The following NOTCH3 variants were observed in gnomAD, a reference collection of about 807,000 sequenced individuals.
The protein encoded by NOTCH3 is notch receptor 3, also known as neurogenic locus notch homolog protein 3.
A neutral mutation model predicts 213.3 loss-of-function variants in NOTCH3; 86 were observed. The ratio of observed to expected loss-of-function variants is 0.40; its 90% confidence interval spans 0.34 to 0.48. The LOEUF is 0.48. Among genes scored for constraint, NOTCH3 ranks in the 20% least tolerant of loss-of-function variants. The pLI, the probability that NOTCH3 is intolerant of heterozygous loss-of-function variation, is 0.57. For missense variants in NOTCH3, 2,783 were observed against 3,272.6 expected, an observed-to-expected ratio of 0.85 and a Z score of 3.65; for synonymous variants, 1,354 against 1,355.9, an observed-to-expected ratio of 1.00 and a Z score of 0.03.
At position 15,160,683 on chromosome 19, in the gene NOTCH3, G is replaced by A; in HGVS notation, c.6945C>T (p.Pro2315=). 3.1e-6 allele frequency: 5 copies of A among 1,614,020 alleles called. No individual in the cohort carries two copies. The highest frequency in any genetic ancestry group is 4.2e-6 in the Non-Finnish European group (5 of 1,179,856). The part of the protein sequence containing the change: ...TQLGPQPEVT[P]KRQVLA ...CGTCTCAGGCCAACACTTGCCTCTTGGGGGTAACTTCCGGCTGGGGCCCCA... is the reference window on the plus strand; with the variant it reads ...CGTCTCAGGCCAACACTTGCCTCTTAGGGGTAACTTCCGGCTGGGGCCCCA... Residue 2315 remains proline, a synonymous_variant, in exon 33 of 33, where the codon CCC becomes CCT. Coordinates refer to ENST00000263388, the MANE Select transcript of NOTCH3 (RefSeq NM_000435.3).
At chr19:15,197,441 G>GGGGGGGGCCCC in intron 2 of NOTCH3, 59 bp downstream of exon 2, 3 of 768,362 alleles carry the variant, frequency 3.9e-6, no homozygotes, top group Non-Finnish European at 6.9e-6. Context: ...AAGACAAATC[G>GGGGGGGGCCCC]CCCCTCCCCC....
At chr19:15,194,205 C>T (rs1435526165) in intron 2 of NOTCH3, among the ~76,000 whole-genome samples, 1 of 151,756 alleles carries the variant, frequency 6.6e-6, no homozygotes, top group African/African-American at 2.4e-5. Context: ...ACTAAGATTG[C>T]ACCACTGCAC....
chr19:15,177,401 A>T (rs2145414013), intron 24 of NOTCH3, 124 bp downstream of exon 24: 2 of 834,746 alleles, frequency 2.4e-6, no homozygotes, highest in South Asian at 2.9e-5. Flanking sequence ...CGATGGGCAG[A>T]TAGAGTGCAC....
At chr19:15,173,185 GC>G (rs1477964891) in intron 25 of NOTCH3, among the ~76,000 whole-genome samples, 1 of 145,332 alleles carries the variant, frequency 6.9e-6, no homozygotes, top group Non-Finnish European at 1.5e-5. Context: ...ACTTTGGGAG[GC>G]CGAGGCAGGT....
intron 25 of NOTCH3, 52 bp downstream of exon 25, chr19:15,174,016 A>G (rs1428299427): frequency 7.1e-7 from 1 of 1,413,180 alleles, no homozygotes; most frequent in Non-Finnish European, 9.6e-7. Context: ...CTGGATCAAC[A>G]GCATCTCTCC....
At chr19:15,169,323 C>T (rs983096629) in intron 28 of NOTCH3, among the ~76,000 whole-genome samples, 2 of 152,072 alleles carry the variant, frequency 1.3e-5, no homozygotes, top group Non-Finnish European at 2.9e-5. Context: ...AGGAACCAGC[C>T]CTGACAGCAC....
At chr19:15,190,627 C>T (rs1010776662) in intron 6 of NOTCH3, among the ~76,000 whole-genome samples, 1 of 152,208 alleles carries the variant, frequency 6.6e-6, no homozygotes, top group African/African-American at 2.4e-5. Context: ...ACACTGTCTC[C>T]CAGGCTGGAA....
chr19:15,169,220 C>A (rs2046710567), intron 28 of NOTCH3, among the ~76,000 whole-genome samples: 1 of 80,704 alleles, frequency 1.2e-5, no homozygotes, highest in Non-Finnish European at 3.1e-5. Context: ...CTCTCTCTCT[C>A]TCTCTCTCTC....
chr19:15,160,904 G>A lies in NOTCH3; in HGVS notation c.6724C>T (p.His2242Tyr), dbSNP rs2145380278. ...KARFLRVPSEHPYLTPSPESP... is the reference protein window; with the variant it reads ...KARFLRVPSEYPYLTPSPESP... The stretch of plus-strand genomic sequence containing the variant: ...TCGGGGGATGGGGTCAGGTAAGGGT[G>A]CTCACTGGGAACCCGCAGGAAGCGG... Residue 2242 changes from histidine (H) to tyrosine (Y), a missense_variant, in exon 33 of 33, where the codon CAC becomes TAC. His to Tyr is a moderately conservative substitution (Grantham distance 83). This residue lies in a region of NOTCH3 where 441 missense variants were observed against 432.1 expected (regional missense o/e 1.02). Transcript: ENST00000263388. The A allele has an allele frequency of 2.5e-6, 4 of 1,610,282 alleles. No homozygotes were observed. Among genetic ancestry groups the A allele is most frequent in the Non-Finnish European group, 3.4e-6 (4 of 1,177,546 alleles).
intron 31 of NOTCH3, among the ~76,000 whole-genome samples, chr19:15,162,936 T>C (rs937514758): frequency 2.2e-4 from 33 of 151,952 alleles, no homozygotes; most frequent in Non-Finnish European, 3.8e-4. Context: ...TAGTGTCTTG[T>C]TCTGTCACCC....
intron 1 of NOTCH3, among the ~76,000 whole-genome samples, chr19:15,199,586 G>A (rs1168516687): frequency 6.6e-6 from 1 of 152,178 alleles, no homozygotes; most frequent in Non-Finnish European, 1.5e-5. Flanking sequence ...CGTGCAGCTG[G>A]GTGTGTCTTT....
intron 32 of NOTCH3, 48 bp downstream of exon 32, chr19:15,162,417 G>T: frequency 7.7e-7 from 1 of 1,295,146 alleles, no homozygotes; most frequent in Non-Finnish European, 1.1e-6. Context: ...GGATTGCAAT[G>T]GCACTGTGCC....
intron 2 of NOTCH3, 59 bp downstream of exon 2, chr19:15,197,441 G>GGGGGGGCCCCCCCCCCCC: frequency 1.3e-6 from 1 of 768,364 alleles, no homozygotes; most frequent in Non-Finnish European, 2.3e-6. Flanking sequence ...AAGACAAATC[G>GGGGGGGCCCCCCCCCCCC]CCCCTCCCCC....
chr19:15,185,191 G>A lies in NOTCH3; in HGVS notation c.2296+66C>T. 1 of 1,571,846 alleles carries A rather than the reference G, an allele frequency of 6.4e-7. No homozygotes were observed. Among genetic ancestry groups the A allele is most frequent in the Non-Finnish European group, 8.7e-7 (1 of 1,143,390 alleles). ...GCTAACATAGCGGGAGGAGAGAGTA[G>A]AGGAGAAGAGAGATGAGAAGGCCCA... On this transcript the variant is annotated intron_variant, in intron 14 of 32. Coordinates refer to ENST00000263388, the MANE Select transcript of NOTCH3 (RefSeq NM_000435.3). The surrounding 1 kb of genome is among the most constrained non-coding windows in gnomAD (Gnocchi z 4.2).
rs1599387102 is a variant in NOTCH3, at chr19:15,185,495, T to A, written c.2136A>T (p.Ala712=). Reference sequence around the variant, plus strand: ...CTGAGAAGGGCCCTCACCCGCCAGGTGCATCATAGCAGATGCCGTGACTGC... The same window carrying A: ...CTGAGAAGGGCCCTCACCCGCCAGGAGCATCATAGCAGATGCCGTGACTGC... ...EPCSHGICYD[A]PGGFRCVCEP... The change falls in exon 13 of 33, where the codon GCA becomes GCT. Residue 712 remains alanine (A), a synonymous_variant. Coordinates refer to ENST00000263388, the MANE Select transcript of NOTCH3 (RefSeq NM_000435.3). The surrounding 1 kb of genome is among the most constrained non-coding windows in gnomAD (Gnocchi z 4.2). 6.2e-7 allele frequency: 1 copy of A among 1,611,352 alleles called. No individual in the cohort carries two copies. The highest frequency in any genetic ancestry group is 2.2e-5 in the East Asian group (1 of 44,674).
chr19:15,182,608 CATTTATTTATTT>C (rs537564207), intron 16 of NOTCH3, among the ~76,000 whole-genome samples: 1 of 151,140 alleles, frequency 6.6e-6, no homozygotes, highest in Non-Finnish European at 1.5e-5. Context: ...AGATTATATA[CATTTATTTATTT>C]ATTTATTTAT....
chr19:15,177,391 C>T (rs573282286), intron 24 of NOTCH3, 134 bp downstream of exon 24: 3 of 793,638 alleles, frequency 3.8e-6, no homozygotes, highest in South Asian at 1.5e-5. Context: ...TGGGACACAC[C>T]GATGGGCAGA....
At chr19:15,183,209 G>A (rs933141549) in intron 16 of NOTCH3, among the ~76,000 whole-genome samples, 6 of 152,000 alleles carry the variant, frequency 3.9e-5, no homozygotes, top group Non-Finnish European at 8.8e-5. Flanking sequence ...AGCCAAGATC[G>A]CACCACTGCA....
Position 15,165,893 on chromosome 19 carries a change from G to GC in NOTCH3, c.5560dup (p.Ala1854GlyfsTer78). The GC allele has an allele frequency of 6.2e-7, 1 of 1,614,144 alleles. No individual in the cohort carries two copies. The highest frequency in any genetic ancestry group is 8.5e-7 in the Non-Finnish European group (1 of 1,180,020). ...CCCAGCATCCAGCAGCCGCTTGGCT[G>GC]CATCAGCACGGGCATAACGGGCAGC... On this transcript the variant is annotated frameshift_variant, in exon 30 of 33. Transcript: ENST00000263388. LOFTEE classifies it high-confidence loss of function. This position sits in a 1 kb window ranked among gnomAD's most constrained non-coding sequence, Gnocchi z 4.7.
Sources: gnomAD v4.1 joint callset for allele counts (sites outside exome capture counted in the v4.1 genomes callset) on GRCh38, gnomAD v4.1.1 for gene constraint, gnomAD v4.1.1 regional missense constraint, Gnocchi (gnomAD v3.1) non-coding constraint, MANE v1.5 for transcripts, NCBI Gene and HGNC (gene_info 2026-07-23, HGNC 2026-07-21) for gene names.